The following ODAD2 variants were observed in gnomAD, a reference collection of about 807,000 sequenced individuals.
ODAD2 encodes the protein outer dynein arm docking complex subunit 2.
A neutral mutation model predicts 106.8 loss-of-function variants in ODAD2; 89 were observed. That is an observed-to-expected ratio of 0.83 (90% CI 0.70 to 0.99). The LOEUF is 0.99. ODAD2 is among the 50% of genes least tolerant of loss of function. ODAD2 has a pLI of 0.00. For synonymous variants in ODAD2, 404 were observed against 436.2 expected (o/e 0.93, Z 0.92); for missense variants, 1,168 against 1,238.5 (o/e 0.94, Z 0.85).
intron 17 of ODAD2, among the ~76,000 whole-genome samples, chr10:27,901,653 G>A (rs752503685): frequency 1.3e-5 from 2 of 152,020 alleles, no homozygotes; most frequent in Non-Finnish European, 2.9e-5. Context: ...AAAAGCAGGG[G>A]TTGCAATCCT....
Position 27,885,770 on chromosome 10 carries a change from T to C in ODAD2, c.2610+21893A>G, listed in dbSNP as rs1168245493. 1.7e-4 allele frequency among the ~76,000 whole-genome samples: 9 copies of C among 54,168 alleles called. 1 individual carries two copies. Among genetic ancestry groups the C allele is most frequent in the Non-Finnish European group, 2.6e-4 (8 of 31,338 alleles). 35.5% of individuals were successfully genotyped at this position (54,168 alleles called of 152,430 possible). ...TATATAATATATATTTTATATATATTATATAAAATATATATTATATATAAT... is the reference window on the plus strand; with the variant it reads ...TATATAATATATATTTTATATATATCATATAAAATATATATTATATATAAT... On this transcript the variant is annotated intron_variant, in intron 17 of 19. Coordinates refer to ENST00000305242, the MANE Select transcript of ODAD2 (RefSeq NM_018076.5).
At chr10:27,837,786 C>A (rs763900795) in intron 19 of ODAD2, among the ~76,000 whole-genome samples, 12 of 152,164 alleles carry the variant, frequency 7.9e-5, no homozygotes, top group Non-Finnish European at 1.5e-5. Context: ...ATGAACACAG[C>A]ATCCGCAAGC....
intron 8 of ODAD2, 35 bp downstream of exon 8, chr10:27,971,073 G>T: frequency 7.1e-7 from 1 of 1,417,628 alleles, no homozygotes; most frequent in South Asian, 1.2e-5. Context: ...GGTTACTAAT[G>T]CTGCATCTGA....
chr10:27,979,222 A>G (rs1240759863), intron 7 of ODAD2, among the ~76,000 whole-genome samples: 2 of 129,880 alleles, frequency 1.5e-5, no homozygotes, highest in East Asian at 4.4e-4. Context: ...ATGGAGTGAG[A>G]CTCCATCTCA....
intron 17 of ODAD2, among the ~76,000 whole-genome samples, chr10:27,897,852 C>T (rs947170669): frequency 6.6e-6 from 1 of 151,976 alleles, no homozygotes; most frequent in African/African-American, 2.4e-5. Flanking sequence ...CAGGAAGAAG[C>T]TCTTTCAGTA....
chr10:27,852,960 C>CAAAAAAA (rs61548333), intron 19 of ODAD2, among the ~76,000 whole-genome samples: 2 of 84,754 alleles, frequency 2.4e-5, no homozygotes, highest in Admixed American at 1.4e-4. Context: ...GACACAGTCT[C>CAAAAAAA]AAAAAAAAAA....
At position 27,962,023 on chromosome 10, in the gene ODAD2, C is replaced by A. The variant is rs7089040; in HGVS notation, c.1239-308G>T. The stretch of plus-strand genomic sequence containing the variant: ...CTGAGCTGCAGTAAACCTTTATTAC[C>A]TCATCACACCACTGCACTCCAGCCT... On this transcript the variant is annotated intron_variant, in intron 9 of 19. Coordinates refer to ENST00000305242, the MANE Select transcript of ODAD2 (RefSeq NM_018076.5). 0.57 allele frequency among the ~76,000 whole-genome samples: 86,158 copies of A among 151,976 alleles called. 24,670 individuals are homozygous for A. Among genetic ancestry groups the A allele is most frequent in the Middle Eastern group, 0.66 (194 of 294 alleles).
intron 19 of ODAD2, among the ~76,000 whole-genome samples, chr10:27,855,737 G>A (rs1189192570): frequency 6.6e-6 from 1 of 152,138 alleles, no homozygotes; most frequent in Non-Finnish European, 1.5e-5. Context: ...CTGAGCCTAG[G>A]AGGCAGCTAG....
rs191793790 is a variant in ODAD2, at chr10:27,874,440, T to C, written c.2611-11818A>G. Among the ~76,000 whole-genome samples the C allele has an allele frequency of 1.8e-3, 278 of 152,318 alleles. 1 individual carries two copies. Among genetic ancestry groups the C allele is most frequent in the African/African-American group, 6.3e-3 (264 of 41,582 alleles). ...TTTGCTTGTTAGTTGATGCAGTTTC[T>C]TCCTAGCATCGATGGTCTTTACATT... On this transcript the variant is annotated intron_variant, in intron 17 of 19. Transcript: ENST00000305242.
At chr10:27,991,334 A>C (rs1225910694) in intron 2 of ODAD2, among the ~76,000 whole-genome samples, 1 of 152,240 alleles carries the variant, frequency 6.6e-6, no homozygotes, top group Non-Finnish European at 1.5e-5. Context: ...AATCATTCTA[A>C]GGAAAAGACC....
intron 19 of ODAD2, among the ~76,000 whole-genome samples, chr10:27,830,118 A>G (rs934757985): frequency 3.9e-5 from 6 of 152,134 alleles, no homozygotes; most frequent in African/African-American, 1.4e-4. Flanking sequence ...AGATCCTTGA[A>G]GTACCTTCTC....
At chr10:27,859,156 C>G (rs1044625933) in intron 19 of ODAD2, among the ~76,000 whole-genome samples, 1 of 151,690 alleles carries the variant, frequency 6.6e-6, no homozygotes, top group Non-Finnish European at 1.5e-5. Context: ...GAAATGGGAA[C>G]GCAGTCATAT....
chr10:27,882,217 G>T (rs951523443), intron 17 of ODAD2, among the ~76,000 whole-genome samples: 15 of 151,272 alleles, frequency 9.9e-5, no homozygotes, highest in African/African-American at 3.6e-4. Flanking sequence ...AAGAAAGAAA[G>T]AAAGAAAGAA....
At chr10:27,918,016 G>A (rs1844516327) in intron 16 of ODAD2, among the ~76,000 whole-genome samples, 1 of 151,694 alleles carries the variant, frequency 6.6e-6, no homozygotes, top group Non-Finnish European at 1.5e-5. Flanking sequence ...AATTGAATTT[G>A]TAATTTTAAA....
intron 19 of ODAD2, among the ~76,000 whole-genome samples, chr10:27,826,411 A>C (rs2132936278): frequency 6.6e-6 from 1 of 152,076 alleles, no homozygotes; most frequent in South Asian, 2.1e-4. Context: ...TGTCTCTCTC[A>C]TCAACTTTCT....
At chr10:27,821,767 T>C (rs557590787) in intron 19 of ODAD2, among the ~76,000 whole-genome samples, 2 of 152,346 alleles carry the variant, frequency 1.3e-5, no homozygotes, top group African/African-American at 4.8e-5. Context: ...TTTTGGTATC[T>C]ATTTTTTTAT....
At chr10:27,990,960 G>A (rs370166474) in intron 2 of ODAD2, among the ~76,000 whole-genome samples, 30 of 151,996 alleles carry the variant, frequency 2.0e-4, no homozygotes, top group African/African-American at 7.2e-4. Flanking sequence ...TACCAGAGAA[G>A]GAAAAAAAAT....
At chr10:27,832,538 C>A (rs1837564420) in intron 19 of ODAD2, among the ~76,000 whole-genome samples, 1 of 151,648 alleles carries the variant, frequency 6.6e-6, no homozygotes, top group African/African-American at 2.4e-5. Context: ...CACACACAGA[C>A]ACACACACAC....
chr10:27,839,568 T>C (rs993737672), intron 19 of ODAD2, among the ~76,000 whole-genome samples: 1 of 152,228 alleles, frequency 6.6e-6, no homozygotes, highest in Non-Finnish European at 1.5e-5. Flanking sequence ...TTGTTACTAA[T>C]GTTATTTGCC....
Sources: gnomAD v4.1 joint callset for allele counts (sites outside exome capture counted in the v4.1 genomes callset) on GRCh38, gnomAD v4.1.1 for gene constraint, MANE v1.5 for transcripts, NCBI Gene and HGNC (gene_info 2026-07-23, HGNC 2026-07-21) for gene names.